ADAM12: variants seen among roughly 807,000 people sequenced by gnomAD.
The protein encoded by ADAM12 is ADAM metallopeptidase domain 12.
ADAM12 carries 70 observed loss-of-function variants against 106.4 expected under a neutral mutation model. The ratio of observed to expected loss-of-function variants is 0.66; its 90% CI spans 0.54 to 0.80. The LOEUF is 0.80. Among genes scored for constraint, ADAM12 ranks in the 30% least tolerant of loss-of-function variants. ADAM12 has a pLI of 0.00. For missense variants in ADAM12, 1,010 were observed against 1,171.9 expected (o/e 0.86, Z 2.02); for synonymous variants, 420 against 433.5 (o/e 0.97, Z 0.39).
intron 3 of ADAM12, among the ~76,000 whole-genome samples, chr10:126,184,103 T>A (rs1411370903): frequency 6.6e-6 from 1 of 152,230 alleles, no homozygotes; most frequent in East Asian, 1.9e-4. Flanking sequence ...GAACCAAGAC[T>A]GTGTCCCATT....
intron 21 of ADAM12, among the ~76,000 whole-genome samples, chr10:126,023,267 C>T (rs1280163697): frequency 3.9e-5 from 6 of 152,258 alleles, no homozygotes; most frequent in African/African-American, 7.2e-5. Flanking sequence ...TCATGGAACT[C>T]GCCAAAGTTG....
At chr10:126,377,192 T>C (rs549868063) in intron 1 of ADAM12, among the ~76,000 whole-genome samples, 1 of 152,204 alleles carries the variant, frequency 6.6e-6, no homozygotes. Flanking sequence ...GGCTTCAGTG[T>C]CTGCCCTCTG....
At chr10:126,096,362 C>G (rs1955558941) in intron 10 of ADAM12, among the ~76,000 whole-genome samples, 2 of 152,200 alleles carry the variant, frequency 1.3e-5, no homozygotes, top group Non-Finnish European at 2.9e-5. Flanking sequence ...CCTTGATAAA[C>G]AGTTTACATT....
At chr10:126,307,618 A>G (rs1366224674) in intron 2 of ADAM12, among the ~76,000 whole-genome samples, 2 of 151,872 alleles carry the variant, frequency 1.3e-5, no homozygotes, top group Admixed American at 6.6e-5. Flanking sequence ...TCGGCTCACC[A>G]CAACCTCCGC....
In ADAM12 at chr10:126,193,252, G is replaced by A. The variant is rs377562441; in HGVS notation, c.261-37947C>T. Among the ~76,000 whole-genome samples the A allele has an allele frequency of 6.7e-4, 74 of 109,952 alleles. No homozygotes were observed. The East Asian group carries it at 0.019, about 28-fold the overall frequency. 72.1% of individuals were successfully genotyped at this position (109,952 alleles called of 152,430 possible). A position where few individuals can be genotyped will look rare whatever the true frequency, so the allele number is the denominator to read the frequency against. On this transcript the variant is annotated intron_variant, in intron 3 of 22. Transcript: ENST00000448723. ...TGAACTCCAGCCTAGGCGACAGAGC[G>A]AGACTCCATCTCAAAAAAAAAAAAA...
In ADAM12 at chr10:126,038,277, G is replaced by T. The variant is rs114788194; in HGVS notation, c.2313C>A (p.Gly771=). The T allele has an allele frequency of 1.2e-6, 2 of 1,612,106 alleles. No homozygotes were observed. The highest frequency in any genetic ancestry group is 1.7e-5 in the Admixed American group (1 of 59,814). Residue 771 remains glycine (G), a synonymous_variant, in exon 20 of 23, where the codon GGC becomes GGA. Transcript: ENST00000448723. Reference sequence around the variant, plus strand: ...AGGAATCTGGCGGCTTCCTCATCAGGCCTTTTCCAAGGTGGCCGAGGTGAG... The same window carrying T: ...AGGAATCTGGCGGCTTCCTCATCAGTCCTTTTCCAAGGTGGCCGAGGTGAG... ...CQAHLGHLGK[G]LMRKPPDSYP... is the part of the protein sequence containing the mutation.
At chr10:126,072,855 A>C (rs751928007) in intron 11 of ADAM12, among the ~76,000 whole-genome samples, 1 of 152,184 alleles carries the variant, frequency 6.6e-6, no homozygotes, top group Non-Finnish European at 1.5e-5. Context: ...GGAGACATTT[A>C]TAAGGATGAC....
intron 3 of ADAM12, among the ~76,000 whole-genome samples, chr10:126,196,984 G>A (rs939865525): frequency 1.3e-5 from 2 of 152,192 alleles, no homozygotes; most frequent in Non-Finnish European, 2.9e-5. Context: ...GGGTATAGAG[G>A]CCTTGGAAGC....
chr10:126,223,744 TC>T (rs994944563), intron 3 of ADAM12, among the ~76,000 whole-genome samples: 6 of 152,174 alleles, frequency 3.9e-5, no homozygotes, highest in African/African-American at 1.4e-4. Context: ...AAGAAAATTC[TC>T]CACGGTCTTT....
intron 3 of ADAM12, among the ~76,000 whole-genome samples, chr10:126,189,384 G>A (rs1338011447): frequency 1.3e-5 from 2 of 152,174 alleles, no homozygotes; most frequent in Non-Finnish European, 2.9e-5. Context: ...ACCAGTTGGG[G>A]CCAGAATGTG....
intron 1 of ADAM12, among the ~76,000 whole-genome samples, chr10:126,336,606 G>T (rs1854707975): frequency 6.6e-6 from 1 of 152,132 alleles, no homozygotes; most frequent in African/African-American, 2.4e-5. Context: ...CACAGAAACG[G>T]CAAGTTGAAA....
intron 1 of ADAM12, among the ~76,000 whole-genome samples, chr10:126,383,058 C>T (rs934746227): frequency 3.3e-5 from 5 of 152,134 alleles, no homozygotes; most frequent in African/African-American, 1.2e-4. Context: ...GATCCTCCCA[C>T]CTCAGCATCC....
chr10:126,356,243 C>T (rs899065533), intron 1 of ADAM12, among the ~76,000 whole-genome samples: 2 of 152,200 alleles, frequency 1.3e-5, no homozygotes, highest in African/African-American at 2.4e-5. Context: ...AAAGTACCAC[C>T]TGGTGAAGGA....
chr10:126,355,753 C>T (rs936812777), intron 1 of ADAM12, among the ~76,000 whole-genome samples: 6 of 152,158 alleles, frequency 3.9e-5, no homozygotes, highest in Admixed American at 1.3e-4. Flanking sequence ...AGCGGCATGG[C>T]GAGACCAGCT....
At chr10:126,265,951 T>G (rs1402225510) in intron 3 of ADAM12, among the ~76,000 whole-genome samples, 1 of 152,240 alleles carries the variant, frequency 6.6e-6, no homozygotes, top group African/African-American at 2.4e-5. Flanking sequence ...GATAGTACTA[T>G]AAAATTTTTA....
rs533775878 is a variant in ADAM12 at position 126,143,530 on chromosome 10, TAC to T, written c.340-7872_340-7871del. ...ATGTGGGTGTGCATGTGTGTATATG[TAC>T]ATGTGTATGGGTATGCACGCATGTA... On this transcript the variant is annotated intron_variant, in intron 4 of 22. Transcript: ENST00000448723. 2.2e-3 allele frequency among the ~76,000 whole-genome samples: 331 copies of T among 151,996 alleles called. 3 individuals are homozygous for T. Among genetic ancestry groups the T allele is most frequent in the African/African-American group, 7.2e-3 (298 of 41,352 alleles).
chr10:126,320,879 CA>C (rs1247537881), intron 2 of ADAM12, among the ~76,000 whole-genome samples: 1 of 152,134 alleles, frequency 6.6e-6, no homozygotes, highest in Non-Finnish European at 1.5e-5. Context: ...CCAAGGTATG[CA>C]GTATATAAAA....
rs1322457765 is a variant in ADAM12 at position 126,066,595 on chromosome 10, G to T, written c.1413+122C>A. 2 of 864,240 alleles carry T rather than the reference G, an allele frequency of 2.3e-6. No individual in the cohort carries two copies. Among genetic ancestry groups the T allele is most frequent in the Non-Finnish European group, 3.7e-6 (2 of 533,750 alleles). 53.5% of individuals were successfully genotyped at this position (864,240 alleles called of 1,614,324 possible). ...AACACCAACTGGCGTGAGAAGGAGG[G>T]ATGGTGCGTGCTGTGGTGAGTGCTG... On this transcript the variant is annotated intron_variant, in intron 13 of 22. Coordinates refer to ENST00000448723, the MANE Select transcript of ADAM12 (RefSeq NM_001288973.2). The surrounding 1 kb of genome is among the most constrained non-coding windows in gnomAD (Gnocchi z 5.1).
At chr10:126,201,489 T>C (rs1222681911) in intron 3 of ADAM12, among the ~76,000 whole-genome samples, 1 of 152,116 alleles carries the variant, frequency 6.6e-6, no homozygotes, top group African/African-American at 2.4e-5. Flanking sequence ...GAAGGGTTCC[T>C]CCCAGAGCCT....
Sources: gnomAD v4.1 joint callset for allele counts (sites outside exome capture counted in the v4.1 genomes callset) on GRCh38, gnomAD v4.1.1 for gene constraint, Gnocchi (gnomAD v3.1) non-coding constraint, MANE v1.5 for transcripts, NCBI Gene and HGNC (gene_info 2026-07-23, HGNC 2026-07-21) for gene names.